The following INPP4A variants were observed in gnomAD, a reference collection of about 807,000 sequenced individuals.
INPP4A encodes inositol polyphosphate-4-phosphatase, type I, 107kD.
INPP4A carries 33 observed loss-of-function variants against 119.8 expected under a neutral mutation model. The ratio of observed to expected loss-of-function variants is 0.28; its 90% CI spans 0.21 to 0.37. The LOEUF is 0.37. INPP4A is among the 10% of genes least tolerant of loss of function. The probability of loss-of-function intolerance (pLI) is 1.00; values close to 1 mark genes in which losing one functional copy is unlikely to be tolerated. For synonymous variants in INPP4A, 496 were observed against 500.7 expected (o/e 0.99, Z 0.12); for missense variants, 956 against 1,289.9 (o/e 0.74, Z 3.97).
chr2:98,584,205 T>C (rs1699690685), intron 24 of INPP4A, among the ~76,000 whole-genome samples: 1 of 152,258 alleles, frequency 6.6e-6, no homozygotes, highest in African/African-American at 2.4e-5. Flanking sequence ...TCTTTCACAT[T>C]GAGGCGTGCA....
Position 98,588,328 on chromosome 2 carries a change from T to G in INPP4A, c.*720T>G, listed in dbSNP as rs1036823262. 5.0e-6 allele frequency: 1 copy of G among 200,944 alleles called. No individual in the cohort carries two copies. The highest frequency in any genetic ancestry group is 1.0e-5 in the Non-Finnish European group (1 of 97,722). 12.4% of individuals were successfully genotyped at this position (200,944 alleles called of 1,614,324 possible). ...ACACAAAGCCAGCAGTAAGGTCCCTTTAGCCTGTCTCCTGTTCTCTGAAGC... is the reference window on the plus strand; with the variant it reads ...ACACAAAGCCAGCAGTAAGGTCCCTGTAGCCTGTCTCCTGTTCTCTGAAGC... On this transcript the variant is annotated 3_prime_UTR_variant, in exon 25 of 25. Coordinates refer to ENST00000409851, the MANE Select transcript of INPP4A (RefSeq NM_001134225.2).
At chr2:98,477,648 A>G (rs889071715) in intron 1 of INPP4A, among the ~76,000 whole-genome samples, 1 of 152,192 alleles carries the variant, frequency 6.6e-6, no homozygotes, top group African/African-American at 2.4e-5. Context: ...AGTGAACAAG[A>G]CCATGGCTGT....
At chr2:98,541,433 A>G (rs1311617988) in intron 10 of INPP4A, among the ~76,000 whole-genome samples, 1 of 152,192 alleles carries the variant, frequency 6.6e-6, no homozygotes, top group African/African-American at 2.4e-5. Context: ...ATATATGCAC[A>G]TATTTTAATA....
intron 4 of INPP4A, among the ~76,000 whole-genome samples, chr2:98,528,476 G>GGA (rs1465833843): frequency 6.6e-6 from 1 of 151,942 alleles, no homozygotes; most frequent in Non-Finnish European, 1.5e-5. Flanking sequence ...TGAGAAGGGG[G>GGA]GAGATAAAAA....
At chr2:98,527,492 A>G (rs1007312882) in intron 4 of INPP4A, among the ~76,000 whole-genome samples, 2 of 152,256 alleles carry the variant, frequency 1.3e-5, no homozygotes, top group Non-Finnish European at 2.9e-5. Flanking sequence ...AGATATTCAC[A>G]GGGAGATTTG....
At chr2:98,466,836 C>A (rs1674884516) in intron 1 of INPP4A, among the ~76,000 whole-genome samples, 2 of 152,192 alleles carry the variant, frequency 1.3e-5, no homozygotes, top group South Asian at 4.1e-4. Flanking sequence ...TGGGCAGTCC[C>A]TGAATAACTA....
At chr2:98,551,001 G>T (rs1020902026) in intron 13 of INPP4A, among the ~76,000 whole-genome samples, 1 of 151,894 alleles carries the variant, frequency 6.6e-6, no homozygotes, top group Non-Finnish European at 1.5e-5. Context: ...TGTCACCCAG[G>T]CTGGAGTGCA....
chr2:98,543,898 G>A lies in INPP4A; in HGVS notation c.840G>A (p.Leu280=), dbSNP rs2230387. The A allele has an allele frequency of 1.9e-6, 3 of 1,613,076 alleles. No homozygotes were observed. The highest frequency in any genetic ancestry group is 2.2e-5 in the East Asian group (1 of 44,864). ...TCAGAGTGTGTGAGCTGGAGGAGCTGGGAGAGCTGTCCCCTTGCTGGGAGA... is the reference window on the plus strand; with the variant it reads ...TCAGAGTGTGTGAGCTGGAGGAGCTAGGAGAGCTGTCCCCTTGCTGGGAGA... ...DAARVCELEE[L]GELSPCWESL... is the part of the protein sequence containing the mutation. Residue 280 remains leucine, a synonymous_variant, in exon 11 of 25, where the codon CTG becomes CTA. Transcript: ENST00000409851.
chr2:98,502,725 G>A (rs886138957), intron 1 of INPP4A, among the ~76,000 whole-genome samples: 3 of 152,158 alleles, frequency 2.0e-5, no homozygotes, highest in Non-Finnish European at 4.4e-5. Context: ...GGAACAAAGG[G>A]AAAATAGTTC....
chr2:98,464,764 T>A (rs1238951549), intron 1 of INPP4A, among the ~76,000 whole-genome samples: 1 of 152,196 alleles, frequency 6.6e-6, no homozygotes, highest in Non-Finnish European at 1.5e-5. Flanking sequence ...TCCTGTGAAA[T>A]ATTTTAACTA....
In INPP4A at chr2:98,552,961, G is replaced by T. The variant is rs761166447; in HGVS notation, c.1339G>T (p.Ala447Ser). Residue 447 changes from alanine to serine, a missense_variant, in exon 14 of 25, where the codon GCA becomes TCA. Coordinates refer to ENST00000409851, the MANE Select transcript of INPP4A (RefSeq NM_001134225.2). ...TGLERTLAIL[A>S]DKTRQLVTVC... ...CCTTGAGAGGACACTCGCCATCTTG[G>T]CAGACAAGGTAGGAGGGGTGCCCTG... The T allele has an allele frequency of 6.2e-7, 1 of 1,609,898 alleles. No individual in the cohort carries two copies. The highest frequency in any genetic ancestry group is 8.5e-7 in the Non-Finnish European group (1 of 1,177,578).
At chr2:98,532,482 C>T (rs1217561916) in intron 4 of INPP4A, among the ~76,000 whole-genome samples, 2 of 152,016 alleles carry the variant, frequency 1.3e-5, no homozygotes, top group African/African-American at 4.8e-5. Context: ...TAAGTATAGT[C>T]GTGTGTCATT....
At chr2:98,536,055 C>T (rs540471766) in intron 6 of INPP4A, 74 bp from the exon 7 acceptor site, 4 of 949,652 alleles carry the variant, frequency 4.2e-6, no homozygotes, top group Admixed American at 3.9e-5. Flanking sequence ...CAGCTGGACT[C>T]TCTGGGGCCA....
At position 98,557,127 on chromosome 2, in the gene INPP4A, TAA is replaced by T. The variant is rs553548385; in HGVS notation, c.1822+1320_1822+1321del. ...ATCAGATGGGATTATATCCCTAACTTAAGTGTCATTTTTTTTCTAGGCACATC... is the reference window on the plus strand; with the variant it reads ...ATCAGATGGGATTATATCCCTAACTTGTGTCATTTTTTTTCTAGGCACATC... On this transcript the variant is annotated intron_variant, in intron 16 of 24. Coordinates refer to ENST00000409851, the MANE Select transcript of INPP4A (RefSeq NM_001134225.2). 3.0e-4 allele frequency among the ~76,000 whole-genome samples: 45 copies of T among 152,296 alleles called. No homozygotes were observed. In the South Asian group the frequency reaches 7.5e-3, roughly 25 times the overall value.
chr2:98,462,922 A>G (rs998602810), intron 1 of INPP4A, among the ~76,000 whole-genome samples: 2 of 151,732 alleles, frequency 1.3e-5, no homozygotes, highest in Non-Finnish European at 2.9e-5. Context: ...GCTCACTGCA[A>G]CCTCCACCTC....
intron 4 of INPP4A, among the ~76,000 whole-genome samples, chr2:98,528,598 T>C (rs1038020888): frequency 1.3e-5 from 2 of 152,218 alleles, no homozygotes; most frequent in African/African-American, 4.8e-5. Context: ...AGATCCACAC[T>C]TGATACATCA....
intron 1 of INPP4A, among the ~76,000 whole-genome samples, chr2:98,495,851 G>A (rs952586510): frequency 6.6e-6 from 1 of 152,182 alleles, no homozygotes; most frequent in South Asian, 2.1e-4. Flanking sequence ...CCCGGGTCAG[G>A]AAAAAGACCT....
In INPP4A at chr2:98,587,463, G is replaced by T; in HGVS notation, c.2787-13G>T. 6.4e-7 allele frequency: 1 copy of T among 1,558,370 alleles called. No homozygotes were observed. Among genetic ancestry groups the T allele is most frequent in the Non-Finnish European group, 8.7e-7 (1 of 1,155,148 alleles). ...TTTACTGCCGTCATTTCTTGTGCTT[G>T]TTTTTTCCCCAGTGAGGGTTGTCGA... On this transcript the variant is annotated splice_polypyrimidine_tract_variant and intron_variant, in intron 24 of 24. Transcript: ENST00000409851.
intron 1 of INPP4A, among the ~76,000 whole-genome samples, chr2:98,502,255 G>A (rs1267235840): frequency 6.6e-6 from 1 of 152,208 alleles, no homozygotes; most frequent in Non-Finnish European, 1.5e-5. Flanking sequence ...CAGTGTCCTG[G>A]TTTGCATGTA....
Sources: allele counts gnomAD v4.1 joint callset (sites outside exome capture counted in the v4.1 genomes callset), GRCh38; gene constraint gnomAD v4.1.1; transcripts MANE v1.5; gene names NCBI Gene and HGNC (gene_info 2026-07-23, HGNC 2026-07-21).